The following DGKB variants were observed in gnomAD, a reference collection of about 807,000 sequenced individuals.
DGKB encodes the protein diacylglycerol kinase beta, also known as 90 kDa diacylglycerol kinase.
In DGKB, 67 loss-of-function variants were observed where a neutral mutation model predicts 114.3. The ratio of observed to expected loss-of-function variants is 0.59; its 90% CI spans 0.48 to 0.72. The LOEUF (loss-of-function observed/expected upper bound fraction) is 0.72. Among genes scored for constraint, DGKB ranks in the 30% least tolerant of loss-of-function variants. The pLI is 0.00. For synonymous variants in DGKB, 398 were observed against 323.1 expected (o/e 1.23, Z -2.49); for missense variants, 907 against 975.2 (o/e 0.93, Z 0.93).
At chr7:14,505,503 C>T (rs1786897403) in intron 20 of DGKB, among the ~76,000 whole-genome samples, 1 of 151,902 alleles carries the variant, frequency 6.6e-6, no homozygotes, top group Admixed American at 6.6e-5. Flanking sequence ...TACTTCCCCA[C>T]TCATTGTCAT....
intron 2 of DGKB, among the ~76,000 whole-genome samples, chr7:14,779,225 A>G (rs535893472): frequency 8.5e-5 from 13 of 152,188 alleles, no homozygotes; most frequent in South Asian, 4.1e-4. Context: ...CTGTTTTAAC[A>G]TTATTCTATT....
intron 14 of DGKB, among the ~76,000 whole-genome samples, chr7:14,627,951 A>AAC (rs72566379): frequency 3.9e-3 from 97 of 25,124 alleles, no homozygotes; most frequent in African/African-American, 0.013. Flanking sequence ...TCAAAAAAAC[A>AAC]AAAAAAAAAA....
chr7:14,621,532 G>T, intron 14 of DGKB, 38 bp from the exon 15 acceptor site: 1 of 1,203,488 alleles, frequency 8.3e-7, no homozygotes. Context: ...TAAAAATTAG[G>T]AAAATAACAT....
intron 23 of DGKB, chr7:14,209,455 A>ATTCTC (rs1269453910): frequency 4.2e-6 from 2 of 474,770 alleles, no homozygotes; most frequent in East Asian, 6.7e-5. Context: ...ACACAAGGCT[A>ATTCTC]TTCTCTGGAG....
chr7:14,612,735 G>A (rs1805787892), intron 16 of DGKB, among the ~76,000 whole-genome samples: 1 of 151,852 alleles, frequency 6.6e-6, no homozygotes. Context: ...TCATCTTTAG[G>A]AAGACATAAG....
At chr7:14,531,978 A>G (rs1268738369) in intron 20 of DGKB, among the ~76,000 whole-genome samples, 1 of 151,370 alleles carries the variant, frequency 6.6e-6, no homozygotes, top group African/African-American at 2.4e-5. Flanking sequence ...ATGCAAAAAA[A>G]AAATGAAGTT....
intron 13 of DGKB, among the ~76,000 whole-genome samples, chr7:14,670,311 A>AT (rs1187980023): frequency 8.7e-5 from 13 of 149,362 alleles, no homozygotes; most frequent in African/African-American, 1.5e-4. Context: ...ACACACACAC[A>AT]TTTTTTTTTG....
At chr7:14,771,065 C>T (rs537922325) in intron 2 of DGKB, among the ~76,000 whole-genome samples, 1 of 152,142 alleles carries the variant, frequency 6.6e-6, no homozygotes, top group South Asian at 2.1e-4. Context: ...AAATGAACTC[C>T]CCAAATCTCT....
chr7:14,873,293 C>A (rs1056312698), intron 1 of DGKB, among the ~76,000 whole-genome samples: 1 of 152,020 alleles, frequency 6.6e-6, no homozygotes, highest in Non-Finnish European at 1.5e-5. Context: ...CTTAGTTTAG[C>A]CCATTTTTAC....
At chr7:14,552,412 G>A (rs2052978) in intron 20 of DGKB, among the ~76,000 whole-genome samples, 3 of 152,158 alleles carry the variant, frequency 2.0e-5, no homozygotes, top group Non-Finnish European at 4.4e-5. Flanking sequence ...AAGTAGTTAA[G>A]AAATGTTTAT....
At chr7:14,243,838 C>T (rs1794017245) in intron 23 of DGKB, among the ~76,000 whole-genome samples, 1 of 151,636 alleles carries the variant, frequency 6.6e-6, no homozygotes, top group South Asian at 2.1e-4. Flanking sequence ...ATTTCTACAG[C>T]CATTGTCGTA....
intron 20 of DGKB, among the ~76,000 whole-genome samples, chr7:14,554,606 A>G (rs1032924162): frequency 6.6e-6 from 1 of 152,104 alleles, no homozygotes; most frequent in East Asian, 1.9e-4. Context: ...ATTTTAATTT[A>G]TAAGCCCATT....
intron 1 of DGKB, among the ~76,000 whole-genome samples, chr7:14,939,638 T>A (rs867339230): frequency 0.015 from 2,228 of 144,340 alleles, 82 homozygotes; most frequent in African/African-American, 0.048. Flanking sequence ...TTTTTTTTTT[T>A]TTTTTTTTTG....
intron 23 of DGKB, among the ~76,000 whole-genome samples, chr7:14,323,002 T>C (rs1485965837): frequency 1.3e-5 from 2 of 152,194 alleles, no homozygotes; most frequent in Non-Finnish European, 1.5e-5. Flanking sequence ...GCGTCTACTA[T>C]AGCTGAACAT....
intron 9 of DGKB, among the ~76,000 whole-genome samples, chr7:14,686,346 A>G (rs1439686327): frequency 1.3e-5 from 2 of 152,138 alleles, no homozygotes; most frequent in Non-Finnish European, 2.9e-5. Context: ...ATTATTATAT[A>G]TTATTACTTT....
intron 21 of DGKB, among the ~76,000 whole-genome samples, chr7:14,408,684 A>G (rs1824349047): frequency 1.3e-5 from 2 of 152,040 alleles, no homozygotes; most frequent in South Asian, 4.1e-4. Context: ...TTGGTTCTTT[A>G]CTTGATAATG....
intron 23 of DGKB, among the ~76,000 whole-genome samples, chr7:14,199,096 TG>T (rs1785447904): frequency 6.6e-6 from 1 of 152,020 alleles, no homozygotes; most frequent in African/African-American, 2.4e-5. Flanking sequence ...TTAAATATAT[TG>T]TTCCAATCAG....
chr7:14,845,106 C>CAAAAAAAAAAAAAAA (rs59367496), intron 1 of DGKB, among the ~76,000 whole-genome samples: 8 of 89,264 alleles, frequency 9.0e-5, no homozygotes, highest in Admixed American at 2.5e-4. Flanking sequence ...GGCCCTGTGT[C>CAAAAAAAAAAAAAAA]AAAAAAAAAA....
chr7:14,764,223 G>A (rs1051713490), intron 2 of DGKB, among the ~76,000 whole-genome samples: 6 of 151,624 alleles, frequency 4.0e-5, no homozygotes, highest in East Asian at 1.9e-4. Context: ...ATGTGCAGAC[G>A]CATTAATGCT....
Sources: allele counts gnomAD v4.1 joint callset (sites outside exome capture counted in the v4.1 genomes callset), GRCh38; gene constraint gnomAD v4.1.1; transcripts MANE v1.5; gene names NCBI Gene and HGNC (gene_info 2026-07-23, HGNC 2026-07-21).